CCDC148: variants seen among roughly 807,000 people sequenced by gnomAD.
CCDC148 encodes the protein coiled-coil domain-containing protein 148.
Under a neutral mutation model 85.7 loss-of-function variants are expected in CCDC148, and 89 were observed. The observed-to-expected ratio is 1.04, with a 90% CI of 0.87 to 1.24. The LOEUF is 1.24. CCDC148 is among the 50% of genes most tolerant of loss of function. CCDC148 has a pLI of 0.00. For missense variants in CCDC148, 692 were observed against 671.7 expected (o/e 1.03, Z -0.33); for synonymous variants, 230 against 213.9 (o/e 1.08, Z -0.66).
intron 7 of CCDC148, among the ~76,000 whole-genome samples, chr2:158,318,905 G>C (rs1343389551): frequency 6.6e-6 from 1 of 152,034 alleles, no homozygotes; most frequent in South Asian, 2.1e-4. Flanking sequence ...ACAGAGCTGG[G>C]ACTACAGGCA....
chr2:158,441,746 T>C (rs1687941304), intron 1 of CCDC148, among the ~76,000 whole-genome samples: 1 of 152,212 alleles, frequency 6.6e-6, no homozygotes, highest in Non-Finnish European at 1.5e-5. Flanking sequence ...TTATTTTACT[T>C]CTGCCTTAGA....
intron 7 of CCDC148, among the ~76,000 whole-genome samples, chr2:158,329,155 A>G (rs369836950): frequency 4.4e-4 from 67 of 152,286 alleles, no homozygotes; most frequent in Non-Finnish European, 9.1e-4. Context: ...TAGGTCAAAC[A>G]TTTAAGTCTT....
intron 7 of CCDC148, among the ~76,000 whole-genome samples, chr2:158,317,445 C>T (rs1052655364): frequency 2.6e-5 from 4 of 152,102 alleles, no homozygotes; most frequent in African/African-American, 4.8e-5. Flanking sequence ...AATATAGTAT[C>T]GATCACAGAT....
intron 1 of CCDC148, among the ~76,000 whole-genome samples, chr2:158,442,837 T>A (rs1404487126): frequency 6.6e-6 from 1 of 152,216 alleles, no homozygotes; most frequent in Non-Finnish European, 1.5e-5. Flanking sequence ...AATGTTTGAG[T>A]AACACTGTTC....
intron 1 of CCDC148, among the ~76,000 whole-genome samples, chr2:158,436,281 C>T (rs532157359): frequency 1.3e-5 from 2 of 152,306 alleles, no homozygotes; most frequent in Admixed American, 6.5e-5. Context: ...AACTGTCTCT[C>T]GGACCACAGT....
intron 9 of CCDC148, among the ~76,000 whole-genome samples, chr2:158,267,178 A>T (rs1366714503): frequency 6.6e-6 from 1 of 151,950 alleles, no homozygotes; most frequent in East Asian, 1.9e-4. Flanking sequence ...CCCCACATAC[A>T]ACCTGTGTTC....
At chr2:158,237,435 T>A (rs1439351082) in intron 10 of CCDC148, among the ~76,000 whole-genome samples, 2 of 151,604 alleles carry the variant, frequency 1.3e-5, no homozygotes, top group Admixed American at 1.3e-4. Context: ...AATTAGGAGA[T>A]TAGGAAGCTA....
At chr2:158,249,106 T>A (rs1688686197) in intron 10 of CCDC148, among the ~76,000 whole-genome samples, 1 of 152,150 alleles carries the variant, frequency 6.6e-6, no homozygotes, top group South Asian at 2.1e-4. Flanking sequence ...CAATTAATTG[T>A]ACCGACTCCC....
chr2:158,289,605 A>G (rs1365141851), intron 9 of CCDC148, among the ~76,000 whole-genome samples: 1 of 152,224 alleles, frequency 6.6e-6, no homozygotes, highest in African/African-American at 2.4e-5. Context: ...AGGATGTGGA[A>G]CAACAGGATC....
intron 3 of CCDC148, among the ~76,000 whole-genome samples, chr2:158,341,458 C>T (rs1320107510): frequency 6.6e-6 from 1 of 151,988 alleles, no homozygotes; most frequent in Non-Finnish European, 1.5e-5. Context: ...AGGCATGTGA[C>T]ACCACACCTA....
At chr2:158,313,106 G>A (rs1692114290) in intron 8 of CCDC148, among the ~76,000 whole-genome samples, 1 of 152,218 alleles carries the variant, frequency 6.6e-6, no homozygotes, top group South Asian at 2.1e-4. Flanking sequence ...GTGAGTTATT[G>A]TGAAATTAAC....
intron 9 of CCDC148, among the ~76,000 whole-genome samples, chr2:158,295,828 C>T (rs1011439803): frequency 2.0e-5 from 3 of 151,190 alleles, no homozygotes; most frequent in Admixed American, 1.3e-4. Flanking sequence ...ACAGGGATGC[C>T]CTCTCTCAGC....
chr2:158,309,244 T>C lies in CCDC148; in HGVS notation c.1110+189A>G, dbSNP rs184605410. ...ATAGTAACTTTTTGGTTGAACCATA[T>C]GAAATTATTGATTATTGACTGTATT... On this transcript the variant is annotated intron_variant, in intron 9 of 13. Transcript: ENST00000283233. 2.0e-5 allele frequency among the ~76,000 whole-genome samples: 3 copies of C among 152,332 alleles called. No homozygotes were observed. In the East Asian group the frequency reaches 5.8e-4, roughly 29 times the overall value.
At chr2:158,402,506 A>T (rs1685827337) in intron 1 of CCDC148, among the ~76,000 whole-genome samples, 1 of 151,938 alleles carries the variant, frequency 6.6e-6, no homozygotes, top group Non-Finnish European at 1.5e-5. Flanking sequence ...GGTGTCAGGT[A>T]TGGGATCATC....
chr2:158,452,914 T>A (rs1045852354), intron 1 of CCDC148, among the ~76,000 whole-genome samples: 1 of 152,246 alleles, frequency 6.6e-6, no homozygotes, highest in Non-Finnish European at 1.5e-5. Context: ...AAGTTTCACA[T>A]ACCAAAAAAT....
At chr2:158,287,276 T>C (rs910284577) in intron 9 of CCDC148, among the ~76,000 whole-genome samples, 1 of 152,056 alleles carries the variant, frequency 6.6e-6, no homozygotes, top group Non-Finnish European at 1.5e-5. Context: ...CCCTGTCCCC[T>C]CCCAAATCTC....
intron 1 of CCDC148, among the ~76,000 whole-genome samples, chr2:158,400,072 C>T (rs533128191): frequency 5.2e-4 from 79 of 151,714 alleles, no homozygotes; most frequent in Admixed American, 3.6e-3. Context: ...CACAAACAAA[C>T]GGAAGAACAT....
At chr2:158,255,332 G>T (rs1465497364) in intron 9 of CCDC148, among the ~76,000 whole-genome samples, 6 of 151,634 alleles carry the variant, frequency 4.0e-5, no homozygotes, top group African/African-American at 1.5e-4. Flanking sequence ...AAAGAAGGTT[G>T]TTGGAAGCTA....
At chr2:158,243,977 C>A (rs1242336880) in intron 10 of CCDC148, among the ~76,000 whole-genome samples, 4 of 151,984 alleles carry the variant, frequency 2.6e-5, no homozygotes, top group Non-Finnish European at 5.9e-5. Context: ...GACATGACTG[C>A]CCTAGGCTTT....
Sources: gnomAD v4.1 joint callset for allele counts (sites outside exome capture counted in the v4.1 genomes callset) on GRCh38, gnomAD v4.1.1 for gene constraint, MANE v1.5 for transcripts, NCBI Gene and HGNC (gene_info 2026-07-23, HGNC 2026-07-21) for gene names.